ZNF462: variants seen among roughly 807,000 people sequenced by gnomAD.
The protein encoded by ZNF462 is zinc finger protein 462.
Under a neutral mutation model 201.9 loss-of-function variants are expected in ZNF462, and 10 were observed. That is an observed-to-expected ratio of 0.05 (90% CI 0.03 to 0.08). ZNF462 has a LOEUF of 0.08. Among genes scored for constraint, ZNF462 ranks in the 10% least tolerant of loss-of-function variants. The pLI, the probability that ZNF462 is intolerant of heterozygous loss-of-function variation, is 1.00. For missense variants in ZNF462, 2,523 were observed against 3,168.3 expected, an observed-to-expected ratio of 0.80 and a Z score of 4.89; for synonymous variants, 1,227 against 1,193.3, an observed-to-expected ratio of 1.03 and a Z score of -0.58.
Position 106,928,082 on chromosome 9 carries a change from A to G in ZNF462, c.4170A>G (p.Ala1390=), listed in dbSNP as rs1464960260. The G allele has an allele frequency of 5.0e-6, 8 of 1,614,008 alleles. No homozygotes were observed. Among genetic ancestry groups the G allele is most frequent in the Non-Finnish European group, 5.9e-6 (7 of 1,180,028 alleles). Residue 1390 remains alanine (A), a synonymous_variant, in exon 3 of 13, where the codon GCA becomes GCG. Coordinates refer to ENST00000277225, the MANE Select transcript of ZNF462 (RefSeq NM_021224.6). This position sits in a 1 kb window ranked among gnomAD's most constrained non-coding sequence, Gnocchi z 9.3. Reference sequence around the variant, plus strand: ...GGGACATCACTAATCACTACCAAGCATTCCACCCCTGGGCCATGAATGGTG... The same window carrying G: ...GGGACATCACTAATCACTACCAAGCGTTCCACCCCTGGGCCATGAATGGTG... The part of the protein sequence containing the change: ...SIWDITNHYQ[A]FHPWAMNGDE...
At chr9:106,991,351 C>T (rs906892838) in intron 10 of ZNF462, among the ~76,000 whole-genome samples, 2 of 151,964 alleles carry the variant, frequency 1.3e-5, no homozygotes, top group Admixed American at 1.3e-4. Context: ...ATACATTTAA[C>T]ATGAGAACTA....
rs973315213 is a variant in ZNF462, at chr9:106,963,159, G to A, written c.6428-8846G>A. Among the ~76,000 whole-genome samples the A allele has an allele frequency of 1.3e-5, 2 of 152,002 alleles. No individual in the cohort carries two copies. Among genetic ancestry groups the A allele is most frequent in the African/African-American group, 4.8e-5 (2 of 41,402 alleles). On this transcript the variant is annotated intron_variant, in intron 7 of 12. Coordinates refer to ENST00000277225, the MANE Select transcript of ZNF462 (RefSeq NM_021224.6). This position sits in a 1 kb window ranked among gnomAD's most constrained non-coding sequence, Gnocchi z 4.7. ...GATTTGTGGTTTTTATTGTTTCTCT[G>A]GATACCAAATTCTGCTCAGTGTTAA...
intron 7 of ZNF462, among the ~76,000 whole-genome samples, chr9:106,955,749 C>T (rs912682627): frequency 2.0e-5 from 3 of 152,202 alleles, no homozygotes; most frequent in Admixed American, 1.3e-4. Context: ...GTTGTCATTT[C>T]AACAGTGTTC....
intron 7 of ZNF462, among the ~76,000 whole-genome samples, chr9:106,940,602 A>G (rs573817070): frequency 5.9e-4 from 90 of 152,292 alleles, no homozygotes; most frequent in Middle Eastern, 3.4e-3. Context: ...ATAGTGTTCA[A>G]CACTATAGCT....
Position 106,925,772 on chromosome 9 carries a change from G to A in ZNF462, c.1860G>A (p.Gln620=), listed in dbSNP as rs917834064. 1 of 1,614,194 alleles carries A rather than the reference G, an allele frequency of 6.2e-7. No individual in the cohort carries two copies. The highest frequency in any genetic ancestry group is 8.5e-7 in the Non-Finnish European group (1 of 1,180,030). Residue 620 remains glutamine (Q), a synonymous_variant, in exon 3 of 13, where the codon CAG becomes CAA. Transcript: ENST00000277225. The surrounding 1 kb of genome is among the most constrained non-coding windows in gnomAD (Gnocchi z 7.9). ...TGAAAGGGCTAAGAGTCCATCAGCA[G>A]CATAAACATTCATTCTGTGACAACT... The part of the protein sequence containing the change: ...TTLKGLRVHQ[Q]HKHSFCDNLP...
At chr9:106,983,357 G>A (rs148096135) in intron 9 of ZNF462, among the ~76,000 whole-genome samples, 2 of 152,168 alleles carry the variant, frequency 1.3e-5, no homozygotes, top group African/African-American at 4.8e-5. Flanking sequence ...CCTGTCTCCT[G>A]CGCAACCCCA....
chr9:106,986,988 G>C (rs1039606673), intron 10 of ZNF462, among the ~76,000 whole-genome samples: 7 of 128,338 alleles, frequency 5.5e-5, no homozygotes, highest in Non-Finnish European at 1.2e-4. Flanking sequence ...TAGATAGATA[G>C]ATAGATAGAT....
chr9:106,995,325 A>G (rs1250205120), intron 10 of ZNF462, among the ~76,000 whole-genome samples: 1 of 152,064 alleles, frequency 6.6e-6, no homozygotes, highest in Non-Finnish European at 1.5e-5. Flanking sequence ...CCTTCTGGGT[A>G]CTCTATGATT....
intron 1 of ZNF462, among the ~76,000 whole-genome samples, chr9:106,911,394 G>A (rs187891590): frequency 1.3e-4 from 20 of 152,240 alleles, no homozygotes; most frequent in African/African-American, 3.6e-4. Context: ...TCTAGCTGGT[G>A]GTCTCAGGGA....
intron 10 of ZNF462, among the ~76,000 whole-genome samples, chr9:107,002,196 T>G (rs1300082925): frequency 6.6e-6 from 1 of 152,166 alleles, no homozygotes; most frequent in Non-Finnish European, 1.5e-5. Context: ...CATCTAGCTG[T>G]GCCCTACTGT....
In ZNF462 at chr9:106,917,289, T is replaced by C. The variant is rs1829813315; in HGVS notation, c.-30-6065T>C. ...TAAGAAATAGTACTCCAGCATACTC[T>C]GTAGTACTTGAAAACTTTATGCAGG... is the stretch of plus-strand genomic sequence containing the variant. On this transcript the variant is annotated intron_variant, in intron 1 of 12. Coordinates refer to ENST00000277225, the MANE Select transcript of ZNF462 (RefSeq NM_021224.6). The surrounding 1 kb of genome is among the most constrained non-coding windows in gnomAD (Gnocchi z 4.5). 6.6e-6 allele frequency among the ~76,000 whole-genome samples: 1 copy of C among 152,252 alleles called. No homozygotes were observed. Among genetic ancestry groups the C allele is most frequent in the South Asian group, 2.1e-4 (1 of 4,832 alleles).
At chr9:106,901,339 A>C (rs1186572592) in intron 1 of ZNF462, among the ~76,000 whole-genome samples, 2 of 152,186 alleles carry the variant, frequency 1.3e-5, no homozygotes, top group African/African-American at 4.8e-5. Flanking sequence ...ATAGTTTGAA[A>C]TCAGGTAGTG....
chr9:106,953,876 C>A (rs1183263563), intron 7 of ZNF462, among the ~76,000 whole-genome samples: 1 of 152,154 alleles, frequency 6.6e-6, no homozygotes, highest in Non-Finnish European at 1.5e-5. Flanking sequence ...TAGCTAATAT[C>A]CTCTGCCACT....
Position 106,929,527 on chromosome 9 carries a change from G to A in ZNF462, c.5615G>A (p.Arg1872Gln), listed in dbSNP as rs774368429. ...ATGCATTACACTGACCACCACAGTC[G>A]GGACCTAAAGAGGGACTTCATCATT... ...LCMHYTDHHS[R>Q]DLKRDFIILG... The change falls in exon 3 of 13, where the codon CGG becomes CAG. Residue 1872 changes from arginine (R) to glutamine (Q), a missense_variant. Physicochemically the swap from Arg to Gln is conservative, Grantham distance 43. Around this residue, in one of 15 missense-constraint regions of ZNF462, gnomAD observed 207 missense variants for 231.6 expected, o/e 0.89. Coordinates refer to ENST00000277225, the MANE Select transcript of ZNF462 (RefSeq NM_021224.6). This position sits in a 1 kb window ranked among gnomAD's most constrained non-coding sequence, Gnocchi z 8.7. 10 of 1,614,142 alleles carry A rather than the reference G, an allele frequency of 6.2e-6. No homozygotes were observed. Among genetic ancestry groups the A allele is most frequent in the Middle Eastern group, 1.6e-4 (1 of 6,062 alleles).
At position 106,919,444 on chromosome 9, in the gene ZNF462, T is replaced by C. The variant is rs895740956; in HGVS notation, c.-30-3910T>C. 6.6e-6 allele frequency among the ~76,000 whole-genome samples: 1 copy of C among 152,188 alleles called. No homozygotes were observed. Among genetic ancestry groups the C allele is most frequent in the Non-Finnish European group, 1.5e-5 (1 of 68,034 alleles). ...GGTGGGCAGGTGGTATAAATTAAAA[T>C]TGGTGTTCTTAAGATTGAAAATGAG... On this transcript the variant is annotated intron_variant, in intron 1 of 12. Coordinates refer to ENST00000277225, the MANE Select transcript of ZNF462 (RefSeq NM_021224.6). The surrounding 1 kb of genome is among the most constrained non-coding windows in gnomAD (Gnocchi z 4.5).
Position 106,899,249 on chromosome 9 carries a change from G to T in ZNF462, c.-30-24105G>T, listed in dbSNP as rs751247276. ...GTATGTGTGTGTGTGTGGGGGGGGGGGGGTGTGTGCATGCATGCATGTGTG... is the reference window on the plus strand; with the variant it reads ...GTATGTGTGTGTGTGTGGGGGGGGGTGGGTGTGTGCATGCATGCATGTGTG... On this transcript the variant is annotated intron_variant, in intron 1 of 12. Coordinates refer to ENST00000277225, the MANE Select transcript of ZNF462 (RefSeq NM_021224.6). Among the ~76,000 whole-genome samples, 5 of 139,820 alleles carry T rather than the reference G, an allele frequency of 3.6e-5. 1 individual carries two copies. The highest frequency in any genetic ancestry group is 1.5e-4 in the Admixed American group (2 of 13,716). The allele number at this position is 139,820 out of a possible 152,430, so 91.7% of individuals were successfully genotyped here. A position where few individuals can be genotyped will look rare whatever the true frequency, so the allele number is the denominator to read the frequency against.
intron 1 of ZNF462, among the ~76,000 whole-genome samples, chr9:106,887,757 A>G (rs1350668915): frequency 1.3e-5 from 2 of 152,254 alleles, no homozygotes; most frequent in African/African-American, 2.4e-5. Flanking sequence ...GCAACATACT[A>G]GAATCTCTAG....
At chr9:106,921,540 A>G (rs1226950788) in intron 1 of ZNF462, among the ~76,000 whole-genome samples, 2 of 152,230 alleles carry the variant, frequency 1.3e-5, no homozygotes, top group Non-Finnish European at 2.9e-5. Flanking sequence ...AGTGAGTCTT[A>G]GAGCTTCAGT....
intron 7 of ZNF462, among the ~76,000 whole-genome samples, chr9:106,956,113 G>A (rs1831561727): frequency 6.6e-6 from 1 of 152,056 alleles, no homozygotes; most frequent in African/African-American, 2.4e-5. Flanking sequence ...CTTTGCCTAA[G>A]TCAGAAGAAT....
Sources: allele counts gnomAD v4.1 joint callset (sites outside exome capture counted in the v4.1 genomes callset), GRCh38; gene constraint gnomAD v4.1.1; regional missense constraint gnomAD v4.1.1; non-coding constraint Gnocchi (gnomAD v3.1); transcripts MANE v1.5; gene names NCBI Gene and HGNC (gene_info 2026-07-23, HGNC 2026-07-21).